Variants in EIF4H observed in about 807,000 individuals in gnomAD.
EIF4H encodes eukaryotic translation initiation factor 4H.
Under a neutral mutation model 30.6 loss-of-function variants are expected in EIF4H, and 8 were observed. The ratio of observed to expected loss-of-function variants is 0.26; its 90% CI spans 0.15 to 0.47. The LOEUF is 0.47. Among genes scored for constraint, EIF4H ranks in the 20% least tolerant of loss-of-function variants. The probability of loss-of-function intolerance (pLI) is 0.99; values close to 1 mark genes in which losing one functional copy is unlikely to be tolerated. For synonymous variants in EIF4H, 106 were observed against 122.7 expected, an observed-to-expected ratio of 0.86 and a Z score of 0.90; for missense variants, 188 against 339.5, an observed-to-expected ratio of 0.55 and a Z score of 3.51.
At chr7:74,181,663 C>T (rs1800965188) in intron 1 of EIF4H, among the ~76,000 whole-genome samples, 1 of 152,042 alleles carries the variant, frequency 6.6e-6, no homozygotes, top group Admixed American at 6.5e-5. Flanking sequence ...AGGCTGGTCT[C>T]GAACTCCCGA....
intron 1 of EIF4H, among the ~76,000 whole-genome samples, chr7:74,183,256 A>G (rs967906904): frequency 5.3e-5 from 8 of 152,314 alleles, no homozygotes; most frequent in Non-Finnish European, 8.8e-5. Flanking sequence ...TAGAAAGGAC[A>G]CTGCTCAGTA....
rs116996332 is a variant in EIF4H, at chr7:74,194,137, G to T, written c.470-604G>T. Reference sequence around the variant, plus strand: ...CAGGAGGCGCCGGTGGGGGTGAGGCGCTGTGCTCTCTGCTCATGCCCCTCT... The same window carrying T: ...CAGGAGGCGCCGGTGGGGGTGAGGCTCTGTGCTCTCTGCTCATGCCCCTCT... On this transcript the variant is annotated intron_variant, in intron 5 of 6. Transcript: ENST00000265753. Among the ~76,000 whole-genome samples the T allele has an allele frequency of 5.1e-4, 78 of 152,350 alleles. 1 individual carries two copies. The East Asian group carries it at 0.014, about 27-fold the overall frequency.
At chr7:74,183,485 G>C (rs1204743699) in intron 1 of EIF4H, among the ~76,000 whole-genome samples, 1 of 152,200 alleles carries the variant, frequency 6.6e-6, no homozygotes, top group Non-Finnish European at 1.5e-5. Flanking sequence ...AAATATAACA[G>C]ACAAGAAAAC....
chr7:74,193,478 T>G (rs1047191063), intron 5 of EIF4H, among the ~76,000 whole-genome samples: 6 of 152,160 alleles, frequency 3.9e-5, no homozygotes, highest in Admixed American at 1.3e-4. Flanking sequence ...CTGGGGGTTC[T>G]TCTCAAAGAC....
At chr7:74,186,253 T>C (rs1234384334) in intron 1 of EIF4H, among the ~76,000 whole-genome samples, 1 of 151,414 alleles carries the variant, frequency 6.6e-6, no homozygotes, top group Non-Finnish European at 1.5e-5. Context: ...AGATGGACTC[T>C]CGCTCTGTCG....
At chr7:74,175,859 G>T (rs1242267649) in intron 1 of EIF4H, among the ~76,000 whole-genome samples, 1 of 151,960 alleles carries the variant, frequency 6.6e-6, no homozygotes, top group South Asian at 2.1e-4. Flanking sequence ...TGAGTGTGGG[G>T]ATTTAAAAAA....
intron 5 of EIF4H, among the ~76,000 whole-genome samples, chr7:74,192,667 A>ATTT (rs1563955208): frequency 8.3e-6 from 1 of 120,312 alleles, no homozygotes; most frequent in African/African-American, 3.3e-5. Context: ...GCTTTATGTG[A>ATTT]CTTTTTTTTT....
At chr7:74,178,026 G>T (rs111777266) in intron 1 of EIF4H, among the ~76,000 whole-genome samples, 3,321 of 152,094 alleles carry the variant, frequency 0.022, 110 homozygotes, top group African/African-American at 0.074. Flanking sequence ...GTGCAGCCTC[G>T]ACTTCCCAGG....
chr7:74,185,180 A>G (rs1554709027), intron 1 of EIF4H, among the ~76,000 whole-genome samples: 1 of 151,346 alleles, frequency 6.6e-6, no homozygotes, highest in Non-Finnish European at 1.5e-5. Flanking sequence ...TTTTATAGAG[A>G]TGGGGTCTTA....
intron 5 of EIF4H, 65 bp downstream of exon 5, chr7:74,190,371 T>G: frequency 6.6e-7 from 1 of 1,519,254 alleles, no homozygotes; most frequent in South Asian, 1.1e-5. Flanking sequence ...TCTCTGTTTC[T>G]TACGAGTAGC....
rs142328891 is a variant in EIF4H at position 74,186,658 on chromosome 7, C to G, written c.60-953C>G. Among the ~76,000 whole-genome samples, 497 of 152,130 alleles carry G rather than the reference C, an allele frequency of 3.3e-3. 2 individuals are homozygous for G. Among genetic ancestry groups the G allele is most frequent in the African/African-American group, 0.011 (475 of 41,492 alleles). ...GAGGTTGAAATGGATTGGTAATGCACGCCATACGCATGTATTTGAGGACCC... is the reference window on the plus strand; with the variant it reads ...GAGGTTGAAATGGATTGGTAATGCAGGCCATACGCATGTATTTGAGGACCC... On this transcript the variant is annotated intron_variant, in intron 1 of 6. Coordinates refer to ENST00000265753, the MANE Select transcript of EIF4H (RefSeq NM_022170.2).
At chr7:74,188,869 G>A (rs1801145698) in intron 2 of EIF4H, among the ~76,000 whole-genome samples, 1 of 152,126 alleles carries the variant, frequency 6.6e-6, no homozygotes, top group African/African-American at 2.4e-5. Context: ...AGGAAACCTG[G>A]GGGGACATCC....
chr7:74,176,140 G>A (rs1584170610), intron 1 of EIF4H, among the ~76,000 whole-genome samples: 1 of 151,922 alleles, frequency 6.6e-6, no homozygotes, highest in Admixed American at 6.6e-5. Flanking sequence ...TTTCTATTTG[G>A]CTTCATATTA....
chr7:74,190,194 G>A, intron 4 of EIF4H, 53 bp from the exon 5 acceptor site: 2 of 1,550,056 alleles, frequency 1.3e-6, no homozygotes, highest in Non-Finnish European at 1.8e-6. Flanking sequence ...TTCCATGTTT[G>A]CGCAGCAAGG....
At chr7:74,178,068 G>A (rs1008869631) in intron 1 of EIF4H, among the ~76,000 whole-genome samples, 1 of 152,072 alleles carries the variant, frequency 6.6e-6, no homozygotes, top group Non-Finnish European at 1.5e-5. Flanking sequence ...AGCCTCCCAA[G>A]TAGCTGGGAT....
intron 4 of EIF4H, 151 bp from the exon 5 acceptor site, chr7:74,190,096 T>C (rs903367653): frequency 4.4e-6 from 5 of 1,126,540 alleles, no homozygotes; most frequent in Non-Finnish European, 6.2e-6. Context: ...AAGCCTGGCG[T>C]TTTTTGTTTT....
chr7:74,187,940 A>G, intron 2 of EIF4H, 142 bp downstream of exon 2: 1 of 969,022 alleles, frequency 1.0e-6, no homozygotes, highest in South Asian at 2.1e-5. Flanking sequence ...AGTGGCCGAA[A>G]GAAACATAAC....
intron 1 of EIF4H, among the ~76,000 whole-genome samples, chr7:74,178,751 G>A (rs1415842713): frequency 1.3e-5 from 2 of 152,082 alleles, no homozygotes; most frequent in Non-Finnish European, 2.9e-5. Context: ...TGCACACCCG[G>A]GCATGAAATG....
At chr7:74,177,757 T>C (rs1800873472) in intron 1 of EIF4H, among the ~76,000 whole-genome samples, 1 of 152,174 alleles carries the variant, frequency 6.6e-6, no homozygotes. Flanking sequence ...CATTATCCTC[T>C]ATGAAAAGTG....
Sources: gnomAD v4.1 joint callset for allele counts (sites outside exome capture counted in the v4.1 genomes callset) on GRCh38, gnomAD v4.1.1 for gene constraint, MANE v1.5 for transcripts, NCBI Gene and HGNC (gene_info 2026-07-23, HGNC 2026-07-21) for gene names.